GREB1L: variants seen among roughly 807,000 people sequenced by gnomAD.
GREB1L encodes GREB1-like protein.
Under a neutral mutation model 200.8 loss-of-function variants are expected in GREB1L, and 17 were observed. The ratio of observed to expected loss-of-function variants is 0.08; its 90% CI spans 0.06 to 0.13. The LOEUF is 0.13. GREB1L is among the 10% of genes least tolerant of loss of function. GREB1L has a pLI of 1.00. For missense variants in GREB1L, 1,657 were observed against 2,367.7 expected (o/e 0.70, Z 6.23); for synonymous variants, 789 against 893.0 (o/e 0.88, Z 2.08).
chr18:21,324,273 G>A (rs8096984), intron 1 of GREB1L, among the ~76,000 whole-genome samples: 30,173 of 152,082 alleles, frequency 0.2, 7,133 homozygotes, highest in African/African-American at 0.57. Flanking sequence ...GTACTGTATT[G>A]TCCTATTATC....
intron 1 of GREB1L, among the ~76,000 whole-genome samples, chr18:21,252,374 A>G (rs1421260498): frequency 6.6e-6 from 1 of 151,906 alleles, no homozygotes; most frequent in African/African-American, 2.4e-5. Flanking sequence ...CCTAACCAAC[A>G]TGGAGAAACC....
chr18:21,332,996 A>T (rs2039127857), intron 1 of GREB1L, among the ~76,000 whole-genome samples: 1 of 152,016 alleles, frequency 6.6e-6, no homozygotes, highest in African/African-American at 2.4e-5. Flanking sequence ...TAGGAGGATC[A>T]CTTAAGCCCA....
chr18:21,449,839 G>T lies in GREB1L; in HGVS notation c.1720+3G>T. ...TGAATTTTGTGTGGTAGTGTTAGGT[G>T]AGTAATTTTTTTGTTTTTTGTTTGT... On this transcript the variant is annotated splice_donor_region_variant and intron_variant, in intron 12 of 32. Transcript: ENST00000424526. 1 of 1,492,926 alleles carries T rather than the reference G, an allele frequency of 6.7e-7. No individual in the cohort carries two copies. The highest frequency in any genetic ancestry group is 1.3e-5 in the South Asian group (1 of 74,734). 92.5% of individuals were successfully genotyped at this position (1,492,926 alleles called of 1,614,324 possible).
At chr18:21,299,015 C>G (rs774189323) in intron 1 of GREB1L, among the ~76,000 whole-genome samples, 3 of 151,994 alleles carry the variant, frequency 2.0e-5, no homozygotes, top group Non-Finnish European at 2.9e-5. Flanking sequence ...TGGTGCCTTA[C>G]GCCTGTAATC....
intron 15 of GREB1L, among the ~76,000 whole-genome samples, chr18:21,465,522 C>T (rs1296012306): frequency 2.6e-5 from 4 of 151,888 alleles, no homozygotes; most frequent in Non-Finnish European, 4.4e-5. Context: ...AAAAACACAA[C>T]AATAAAAAGT....
At chr18:21,486,278 C>T (rs2036124769) in intron 18 of GREB1L, among the ~76,000 whole-genome samples, 1 of 150,534 alleles carries the variant, frequency 6.6e-6, no homozygotes, top group Non-Finnish European at 1.5e-5. Flanking sequence ...GGTGTGAACC[C>T]GGGAGGTGGA....
At chr18:21,415,839 C>G (rs1301963375) in intron 7 of GREB1L, among the ~76,000 whole-genome samples, 1 of 152,140 alleles carries the variant, frequency 6.6e-6, no homozygotes, top group Non-Finnish European at 1.5e-5. Context: ...CCCAAAAGAT[C>G]AAATTGTTTC....
At chr18:21,413,482 A>G (rs1165733046) in intron 7 of GREB1L, among the ~76,000 whole-genome samples, 2 of 152,160 alleles carry the variant, frequency 1.3e-5, no homozygotes, top group Admixed American at 6.5e-5. Context: ...ATGCTTTTCT[A>G]AAACAGTCTC....
chr18:21,410,800 C>T (rs2030898208), intron 7 of GREB1L, among the ~76,000 whole-genome samples: 1 of 150,990 alleles, frequency 6.6e-6, no homozygotes, highest in Admixed American at 6.6e-5. Flanking sequence ...GAACTAGTAT[C>T]AAGAATATAT....
chr18:21,383,476 T>G, intron 2 of GREB1L, 34 bp from the exon 3 acceptor site: 1 of 1,448,148 alleles, frequency 6.9e-7, no homozygotes, highest in South Asian at 1.4e-5. Context: ...TTATATCAAT[T>G]TTATCCTTTC....
At chr18:21,249,828 C>G (rs1331070335) in intron 1 of GREB1L, among the ~76,000 whole-genome samples, 2 of 151,532 alleles carry the variant, frequency 1.3e-5, no homozygotes, top group East Asian at 3.9e-4. Flanking sequence ...CCATTGCACT[C>G]CAGCCTGGCA....
chr18:21,486,713 G>A (rs2036143113), intron 18 of GREB1L, among the ~76,000 whole-genome samples: 1 of 151,994 alleles, frequency 6.6e-6, no homozygotes, highest in Non-Finnish European at 1.5e-5. Flanking sequence ...TTGAATCATA[G>A]ATTCAGAGGT....
At chr18:21,290,824 C>CAAA (rs752840997) in intron 1 of GREB1L, among the ~76,000 whole-genome samples, 60 of 63,180 alleles carry the variant, frequency 9.5e-4, no homozygotes, top group Admixed American at 2.3e-3. Context: ...GACTCTGTCT[C>CAAA]AAAAAAAAAA....
chr18:21,455,689 C>CA (rs944776951), intron 15 of GREB1L, among the ~76,000 whole-genome samples: 6 of 148,062 alleles, frequency 4.1e-5, no homozygotes, highest in East Asian at 3.9e-4. Context: ...AAAAAAAAAA[C>CA]AAAAAAACAA....
chr18:21,445,172 T>C (rs1394595528), intron 11 of GREB1L, among the ~76,000 whole-genome samples: 1 of 152,244 alleles, frequency 6.6e-6, no homozygotes, highest in South Asian at 2.1e-4. Flanking sequence ...ACTGATTTAC[T>C]TAGAAAAATA....
At chr18:21,256,897 C>T (rs2037806684) in intron 1 of GREB1L, among the ~76,000 whole-genome samples, 1 of 149,738 alleles carries the variant, frequency 6.7e-6, no homozygotes, top group African/African-American at 2.5e-5. Context: ...CCTAGCTACT[C>T]AAGAGGCTGA....
intron 7 of GREB1L, among the ~76,000 whole-genome samples, chr18:21,426,579 C>T (rs2032595280): frequency 6.6e-6 from 1 of 152,180 alleles, no homozygotes; most frequent in Non-Finnish European, 1.5e-5. Context: ...CTTATGCCAA[C>T]ACCACACTGC....
intron 15 of GREB1L, among the ~76,000 whole-genome samples, chr18:21,467,656 G>C (rs1251726442): frequency 6.6e-6 from 1 of 152,174 alleles, no homozygotes; most frequent in Non-Finnish European, 1.5e-5. Context: ...TGGTACAGCC[G>C]CTTTAGAAAA....
chr18:21,460,365 GAC>G (rs1219474229), intron 15 of GREB1L, among the ~76,000 whole-genome samples: 1 of 151,910 alleles, frequency 6.6e-6, no homozygotes, highest in Non-Finnish European at 1.5e-5. Flanking sequence ...TTATTTTTGA[GAC>G]AGAGTTTCGC....
Sources: gnomAD v4.1 joint callset for allele counts (sites outside exome capture counted in the v4.1 genomes callset) on GRCh38, gnomAD v4.1.1 for gene constraint, MANE v1.5 for transcripts, NCBI Gene and HGNC (gene_info 2026-07-23, HGNC 2026-07-21) for gene names.